The following KCNQ5 variants were observed in gnomAD, a reference collection of about 807,000 sequenced individuals.
The protein encoded by KCNQ5 is potassium voltage-gated channel subfamily Q member 5, also known as potassium voltage-gated channel subfamily KQT member 5.
In KCNQ5, 30 loss-of-function variants were observed where a neutral mutation model predicts 98.2. The ratio of observed to expected loss-of-function variants is 0.31; its 90% CI spans 0.23 to 0.41. KCNQ5 has a LOEUF of 0.41. Ranked by LOEUF, KCNQ5 falls within the 10% of genes least tolerant of loss-of-function variation. The pLI is 1.00. For missense variants in KCNQ5, 835 were observed against 1,182.5 expected (o/e 0.71, Z 4.31); for synonymous variants, 458 against 449.4 (o/e 1.02, Z -0.24).
At chr6:73,189,812 A>G (rs1444856573) in intron 11 of KCNQ5, among the ~76,000 whole-genome samples, 1 of 152,124 alleles carries the variant, frequency 6.6e-6, no homozygotes, top group Non-Finnish European at 1.5e-5. Context: ...CCCATGTTGC[A>G]GGAGGCATTG....
chr6:73,063,403 T>A (rs564904648), intron 3 of KCNQ5, among the ~76,000 whole-genome samples: 1 of 152,238 alleles, frequency 6.6e-6, no homozygotes, highest in South Asian at 2.1e-4. Flanking sequence ...TATCGCATTA[T>A]CTTGTACAAG....
intron 1 of KCNQ5, among the ~76,000 whole-genome samples, chr6:72,665,078 T>C (rs192381994): frequency 1.3e-5 from 2 of 152,288 alleles, no homozygotes; most frequent in Non-Finnish European, 2.9e-5. Flanking sequence ...CTGGGTGTGG[T>C]GTCTCACGCC....
At chr6:72,995,859 TA>T (rs1054669317) in intron 1 of KCNQ5, among the ~76,000 whole-genome samples, 1 of 152,024 alleles carries the variant, frequency 6.6e-6, no homozygotes, top group Non-Finnish European at 1.5e-5. Context: ...TTAGTTCTTT[TA>T]AAAAAAATGC....
Position 73,160,180 on chromosome 6 carries a change from T to G in KCNQ5, c.1469-9566T>G, listed in dbSNP as rs1048235393. ...AGGCACCCACCACGACGCCCGGCTG[T>G]TTTTTTTTTGTATTTTTAGTAGAGA... On this transcript the variant is annotated intron_variant, in intron 10 of 13. Coordinates refer to ENST00000370398, the MANE Select transcript of KCNQ5 (RefSeq NM_019842.4). 1.9e-4 allele frequency among the ~76,000 whole-genome samples: 22 copies of G among 116,670 alleles called. No individual in the cohort carries two copies. The East Asian group carries it at 2.5e-3, about 13-fold the overall frequency. The allele number at this position is 116,670 out of a possible 152,430, so 76.5% of individuals were successfully genotyped here.
intron 1 of KCNQ5, among the ~76,000 whole-genome samples, chr6:72,929,790 T>G (rs1379852245): frequency 6.6e-6 from 1 of 152,108 alleles, no homozygotes; most frequent in Non-Finnish European, 1.5e-5. Flanking sequence ...ATACAATTTG[T>G]TAGATATAAT....
intron 1 of KCNQ5, among the ~76,000 whole-genome samples, chr6:72,787,387 A>G (rs1251910971): frequency 1.3e-5 from 2 of 152,136 alleles, no homozygotes; most frequent in African/African-American, 4.8e-5. Flanking sequence ...AGCCTAAAAT[A>G]TTTACTATCT....
At chr6:72,650,894 C>A (rs996451702) in intron 1 of KCNQ5, among the ~76,000 whole-genome samples, 1 of 151,954 alleles carries the variant, frequency 6.6e-6, no homozygotes, top group Non-Finnish European at 1.5e-5. Flanking sequence ...GTAACTAATC[C>A]ATGGAGGAGA....
At chr6:73,082,266 A>C (rs1411640833) in intron 5 of KCNQ5, among the ~76,000 whole-genome samples, 1 of 152,214 alleles carries the variant, frequency 6.6e-6, no homozygotes, top group Non-Finnish European at 1.5e-5. Context: ...TGTGGCAAGA[A>C]ATGGCAGCTT....
In KCNQ5 at chr6:73,179,302, G is replaced by A. The variant is rs1452749648; in HGVS notation, c.1577+9448G>A. On this transcript the variant is annotated intron_variant, in intron 11 of 13. Coordinates refer to ENST00000370398, the MANE Select transcript of KCNQ5 (RefSeq NM_019842.4). ...GTGGGGACTCTCTGTGGCACCCTGAGGCAGCACAGGGCATCACATAGCAAG... is the reference window on the plus strand; with the variant it reads ...GTGGGGACTCTCTGTGGCACCCTGAAGCAGCACAGGGCATCACATAGCAAG... 3.3e-5 allele frequency among the ~76,000 whole-genome samples: 5 copies of A among 152,102 alleles called. No homozygotes were observed. In the South Asian group the frequency reaches 8.3e-4, roughly 25 times the overall value.
chr6:72,766,206 C>T (rs1772562334), intron 1 of KCNQ5, among the ~76,000 whole-genome samples: 1 of 151,888 alleles, frequency 6.6e-6, no homozygotes, highest in Non-Finnish European at 1.5e-5. Flanking sequence ...CAAGAAGACC[C>T]TAGGATGGGA....
chr6:72,647,933 C>T (rs1765681142), intron 1 of KCNQ5, among the ~76,000 whole-genome samples: 1 of 151,976 alleles, frequency 6.6e-6, no homozygotes, highest in Non-Finnish European at 1.5e-5. Flanking sequence ...TTTGTTCAGC[C>T]ACTCAGTAAA....
chr6:73,129,041 G>A (rs967534116), intron 9 of KCNQ5, among the ~76,000 whole-genome samples: 1 of 152,060 alleles, frequency 6.6e-6, no homozygotes, highest in African/African-American at 2.4e-5. Context: ...TCTTTCTTCT[G>A]TGTGCAATGA....
At chr6:72,658,492 G>A (rs1340962959) in intron 1 of KCNQ5, among the ~76,000 whole-genome samples, 3 of 146,600 alleles carry the variant, frequency 2.0e-5, no homozygotes, top group African/African-American at 7.6e-5. Flanking sequence ...TGTTGGCCAG[G>A]CTGGTCCCAA....
At chr6:73,093,204 T>C (rs1459192869) in intron 5 of KCNQ5, among the ~76,000 whole-genome samples, 2 of 152,190 alleles carry the variant, frequency 1.3e-5, no homozygotes, top group Admixed American at 6.5e-5. Flanking sequence ...ATGGTGTTCA[T>C]AGTAGCCTTG....
At chr6:73,139,318 C>A (rs1056563887) in intron 10 of KCNQ5, among the ~76,000 whole-genome samples, 38 of 152,316 alleles carry the variant, frequency 2.5e-4, no homozygotes, top group African/African-American at 8.9e-4. Flanking sequence ...GACCCAGCAG[C>A]TGGATCTCGG....
chr6:72,880,313 T>G (rs1267013999), intron 1 of KCNQ5, among the ~76,000 whole-genome samples: 1 of 152,244 alleles, frequency 6.6e-6, no homozygotes, highest in African/African-American at 2.4e-5. Context: ...ACGCCTGCTT[T>G]CTGGCTCATA....
At chr6:72,644,736 C>G (rs1765498947) in intron 1 of KCNQ5, among the ~76,000 whole-genome samples, 1 of 152,078 alleles carries the variant, frequency 6.6e-6, no homozygotes, top group Non-Finnish European at 1.5e-5. Context: ...CCCTACATGA[C>G]TTTTTTACTG....
At chr6:72,854,651 T>C (rs1777442281) in intron 1 of KCNQ5, among the ~76,000 whole-genome samples, 2 of 150,932 alleles carry the variant, frequency 1.3e-5, no homozygotes, top group South Asian at 2.1e-4. Context: ...TTTTTTATAA[T>C]GTCAAAACAT....
At chr6:72,973,175 G>A (rs1562102578) in intron 1 of KCNQ5, among the ~76,000 whole-genome samples, 1 of 152,102 alleles carries the variant, frequency 6.6e-6, no homozygotes, top group Non-Finnish European at 1.5e-5. Context: ...ATAATTTATT[G>A]GTCATAGGTT....
Sources: gnomAD v4.1 joint callset for allele counts (sites outside exome capture counted in the v4.1 genomes callset) on GRCh38, gnomAD v4.1.1 for gene constraint, MANE v1.5 for transcripts, NCBI Gene and HGNC (gene_info 2026-07-23, HGNC 2026-07-21) for gene names.